The following TRMT9B variants were observed in gnomAD, a reference collection of about 807,000 sequenced individuals.
The protein encoded by TRMT9B is tRNA methyltransferase 9B (putative), also known as probable tRNA methyltransferase 9B.
Under a neutral mutation model 11.5 loss-of-function variants are expected in TRMT9B, and 16 were observed. That is an observed-to-expected ratio of 1.39 (90% CI 0.94 to 2.11). The LOEUF (loss-of-function observed/expected upper bound fraction) is 2.11, where lower values mean the gene tolerates loss of function less well. Ranked by LOEUF, TRMT9B falls within the 30% of genes most tolerant of loss-of-function variation. The probability of loss-of-function intolerance (pLI) is 0.00; values close to 1 mark genes in which losing one functional copy is unlikely to be tolerated. For synonymous variants in TRMT9B, 274 were observed against 192.4 expected (o/e 1.42, Z -3.51); for missense variants, 941 against 553.8 (o/e 1.70, Z -7.02).
At chr8:12,984,033 G>T (rs986852863) in intron 1 of TRMT9B, among the ~76,000 whole-genome samples, 1 of 152,208 alleles carries the variant, frequency 6.6e-6, no homozygotes, top group African/African-American at 2.4e-5. Context: ...GAATGATGGT[G>T]AGGTCACACA....
intron 1 of TRMT9B, among the ~76,000 whole-genome samples, chr8:12,980,714 G>A (rs1026813666): frequency 3.3e-5 from 5 of 152,154 alleles, no homozygotes; most frequent in African/African-American, 4.8e-5. Context: ...GAAAAGCTTC[G>A]TGACACAAGC....
chr8:12,990,950 C>T lies in TRMT9B; in HGVS notation c.-83C>T, dbSNP rs1034503368. On this transcript the variant is annotated 5_prime_UTR_variant, in exon 2 of 5. Coordinates refer to ENST00000524591, the MANE Select transcript of TRMT9B (RefSeq NM_020844.3). Reference sequence around the variant, plus strand: ...TACACATTGAGAAAGTTATGAGAAGCAACTGTCACTCTCTGGAGGTGGAGA... The same window carrying T: ...TACACATTGAGAAAGTTATGAGAAGTAACTGTCACTCTCTGGAGGTGGAGA... 3.1e-6 allele frequency: 4 copies of T among 1,288,884 alleles called. No individual in the cohort carries two copies. The African/African-American group carries it at 6.1e-5, about 20-fold the overall frequency. 79.8% of individuals were successfully genotyped at this position (1,288,884 alleles called of 1,614,324 possible). A position where few individuals can be genotyped will look rare whatever the true frequency, so the allele number is the denominator to read the frequency against.
chr8:12,964,520 TA>T (rs1157533154), intron 1 of TRMT9B, among the ~76,000 whole-genome samples: 1 of 152,224 alleles, frequency 6.6e-6, no homozygotes. Flanking sequence ...TCCTTGAGGT[TA>T]AAAAATAGTA....
rs1800412484 is a variant in TRMT9B, at chr8:12,949,087, A to C, written c.-200+3121A>C. Among the ~76,000 whole-genome samples, 9 of 152,140 alleles carry C rather than the reference A, an allele frequency of 5.9e-5. 1 individual carries two copies. The South Asian group carries it at 1.7e-3, about 28-fold the overall frequency. On this transcript the variant is annotated intron_variant, in intron 1 of 4. Transcript: ENST00000524591. Reference sequence around the variant, plus strand: ...GAGAAAACGTATTGTTTCTACATAGACTCTACTTATTAATAACAATCTTAT... The same window carrying C: ...GAGAAAACGTATTGTTTCTACATAGCCTCTACTTATTAATAACAATCTTAT...
chr8:12,987,510 G>A (rs569336787), intron 1 of TRMT9B, among the ~76,000 whole-genome samples: 1 of 152,152 alleles, frequency 6.6e-6, no homozygotes, highest in East Asian at 1.9e-4. Flanking sequence ...GGGGAACGTA[G>A]GGAGACCCCA....
chr8:12,972,504 T>C (rs1358729973), intron 1 of TRMT9B, among the ~76,000 whole-genome samples: 2 of 152,184 alleles, frequency 1.3e-5, no homozygotes, highest in Non-Finnish European at 2.9e-5. Context: ...TGAAGGGCTG[T>C]TGCTGGCCAA....
intron 1 of TRMT9B, among the ~76,000 whole-genome samples, chr8:12,968,209 G>A (rs1803088958): frequency 6.6e-6 from 1 of 152,184 alleles, no homozygotes; most frequent in South Asian, 2.1e-4. Context: ...ATGAAATACT[G>A]TTCAAGTCAC....
intron 2 of TRMT9B, among the ~76,000 whole-genome samples, chr8:12,997,864 C>T (rs867068907): frequency 6.6e-6 from 1 of 152,094 alleles, no homozygotes; most frequent in Non-Finnish European, 1.5e-5. Context: ...ACATTTCTTC[C>T]AGTGGTGTAT....
intron 1 of TRMT9B, among the ~76,000 whole-genome samples, chr8:12,971,359 C>T (rs772800818): frequency 5.3e-5 from 8 of 152,136 alleles, no homozygotes; most frequent in South Asian, 4.1e-4. Context: ...TGCCAGGGAA[C>T]GGCGGGCCTG....
In TRMT9B at chr8:12,945,721, G is replaced by T. The variant is rs746471281; in HGVS notation, c.-445G>T. Reference sequence around the variant, plus strand: ...AAGATCACACATGTATATGTCAGAAGTAGATGCACATGTTCTTTTGGCTTT... The same window carrying T: ...AAGATCACACATGTATATGTCAGAATTAGATGCACATGTTCTTTTGGCTTT... On this transcript the variant is annotated 5_prime_UTR_variant, in exon 1 of 5. Coordinates refer to ENST00000524591, the MANE Select transcript of TRMT9B (RefSeq NM_020844.3). The T allele has an allele frequency of 5.9e-5, 9 of 152,222 alleles. No individual in the cohort carries two copies. Among genetic ancestry groups the T allele is most frequent in the Non-Finnish European group, 1.2e-4 (8 of 68,048 alleles). The allele number at this position is 152,222 out of a possible 1,614,324, so 9.4% of individuals were successfully genotyped here. A position where few individuals can be genotyped will look rare whatever the true frequency, so the allele number is the denominator to read the frequency against.
intron 2 of TRMT9B, among the ~76,000 whole-genome samples, chr8:12,993,509 A>G (rs772811514): frequency 1.3e-5 from 2 of 152,080 alleles, no homozygotes; most frequent in African/African-American, 4.8e-5. Context: ...ATTAGAGGGG[A>G]TAGATGTGGG....
At chr8:12,958,310 C>G (rs1287603074) in intron 1 of TRMT9B, 1 of 152,166 alleles carries the variant, frequency 6.6e-6, no homozygotes, top group Non-Finnish European at 1.5e-5. Context: ...ACGGATATCT[C>G]TTAGAGTCCC....
In TRMT9B at chr8:13,006,280, C is replaced by T. The variant is rs1318781978; in HGVS notation, c.78C>T (p.Asp26=). 6.2e-7 allele frequency: 1 copy of T among 1,613,884 alleles called. No individual in the cohort carries two copies. Among genetic ancestry groups the T allele is most frequent in the Non-Finnish European group, 8.5e-7 (1 of 1,179,902 alleles). Residue 26 remains aspartate, a synonymous_variant, in exon 3 of 5, where the codon GAC becomes GAT. Transcript: ENST00000524591. ...VYESTAPYFS[D]LQSKAWPRVR... ...AGAGCACAGCCCCTTACTTCAGCGA[C>T]CTGCAGAGCAAAGCCTGGCCTCGTG... is the stretch of plus-strand genomic sequence containing the variant.
intron 1 of TRMT9B, among the ~76,000 whole-genome samples, chr8:12,962,902 C>T (rs754904880): frequency 2.1e-4 from 32 of 152,170 alleles, no homozygotes; most frequent in African/African-American, 7.5e-4. Flanking sequence ...ACTGACTTCA[C>T]GCTGTGGCTG....
In TRMT9B at chr8:13,021,518, G is replaced by T. The variant is rs760251177; in HGVS notation, c.839G>T (p.Ser280Ile). Residue 280 changes from serine to isoleucine, a missense_variant, in exon 5 of 5, where the codon AGC becomes ATC. Physicochemically the swap from Ser to Ile is moderately radical, Grantham distance 142. Transcript: ENST00000524591. The part of the protein sequence containing the change: ...PLKNTEVWAS[S>I]TVTVQPSRHS... ...AAAAACACAGAAGTTTGGGCCAGTA[G>T]CACTGTAACAGTCCAGCCTTCCAGA... 2 of 1,613,686 alleles carry T rather than the reference G, an allele frequency of 1.2e-6. No individual in the cohort carries two copies. The highest frequency in any genetic ancestry group is 1.7e-6 in the Non-Finnish European group (2 of 1,179,644).
At chr8:12,997,550 C>G (rs981304516) in intron 2 of TRMT9B, among the ~76,000 whole-genome samples, 3 of 152,122 alleles carry the variant, frequency 2.0e-5, no homozygotes, top group African/African-American at 7.2e-5. Flanking sequence ...AGGGACTGAT[C>G]CATATTGTTG....
rs151236157 is a variant in TRMT9B, at chr8:12,989,875, C to T, written c.-199-959C>T. ...TTAGCTTCTGTGGCTCTCAATGGCA[C>T]AGATCATGTGCCTACATATGAGTGA... is the stretch of plus-strand genomic sequence containing the variant. On this transcript the variant is annotated intron_variant, in intron 1 of 4. Transcript: ENST00000524591. 4.3e-3 allele frequency among the ~76,000 whole-genome samples: 657 copies of T among 152,334 alleles called. 8 individuals carry two copies. Among genetic ancestry groups the T allele is most frequent in the African/African-American group, 0.015 (615 of 41,584 alleles).
chr8:12,964,477 G>GT (rs1802555465), intron 1 of TRMT9B, among the ~76,000 whole-genome samples: 1 of 152,084 alleles, frequency 6.6e-6, no homozygotes, highest in Admixed American at 6.6e-5. Flanking sequence ...TGTTTAATTT[G>GT]TTTTTTACTT....
At chr8:12,948,060 C>A (rs1277068222) in intron 1 of TRMT9B, among the ~76,000 whole-genome samples, 1 of 152,168 alleles carries the variant, frequency 6.6e-6, no homozygotes, top group Non-Finnish European at 1.5e-5. Flanking sequence ...TGCTCCTTGA[C>A]TTACGATGGG....
Sources: gnomAD v4.1 joint callset for allele counts (sites outside exome capture counted in the v4.1 genomes callset) on GRCh38, gnomAD v4.1.1 for gene constraint, MANE v1.5 for transcripts, NCBI Gene and HGNC (gene_info 2026-07-23, HGNC 2026-07-21) for gene names.